SMC1B: variants seen among roughly 807,000 people sequenced by gnomAD.
SMC1B encodes structural maintenance of chromosomes 1B, also known as structural maintenance of chromosomes protein 1B.
SMC1B carries 60 observed loss-of-function variants against 157.9 expected under a neutral mutation model. The observed-to-expected ratio is 0.38, with a 90% CI of 0.31 to 0.47. The LOEUF is 0.47. SMC1B is among the 20% of genes least tolerant of loss of function. The pLI, the probability that SMC1B is intolerant of heterozygous loss-of-function variation, is 0.99. For synonymous variants in SMC1B, 445 were observed against 483.0 expected, an observed-to-expected ratio of 0.92 and a Z score of 1.03; for missense variants, 1,165 against 1,426.2, an observed-to-expected ratio of 0.82 and a Z score of 2.95.
At chr22:45,401,580 A>T (rs1021341527) in intron 5 of SMC1B, among the ~76,000 whole-genome samples, 5 of 152,244 alleles carry the variant, frequency 3.3e-5, no homozygotes. Flanking sequence ...TGCAAATGGC[A>T]CATCTAGTCC....
chr22:45,393,645 G>A lies in SMC1B; in HGVS notation c.1534C>T (p.Pro512Ser), dbSNP rs894071441. ...EVLEHLKRLYPDSVFGRLFDL... is the reference protein window; with the variant it reads ...EVLEHLKRLYSDSVFGRLFDL... ...TTCATTCTCATTACCACAGAATCTG[G>A]GTACAGTCTTTTAAGGTGTTCCAGA... is the stretch of plus-strand genomic sequence containing the variant. The change falls in exon 9 of 25, where the codon CCA becomes TCA. Residue 512 changes from proline to serine, a missense_variant. By Grantham distance (74) the Pro-to-Ser change is moderately conservative. Transcript: ENST00000357450. The A allele has an allele frequency of 2.5e-6, 4 of 1,610,922 alleles. No homozygotes were observed. Among genetic ancestry groups the A allele is most frequent in the Non-Finnish European group, 3.4e-6 (4 of 1,179,050 alleles).
At chr22:45,349,851 G>A (rs1364573230) in intron 22 of SMC1B, 54 bp from the exon 23 acceptor site, 6 of 1,362,818 alleles carry the variant, frequency 4.4e-6, no homozygotes, top group Non-Finnish European at 6.2e-6. Flanking sequence ...TTTTACAAAA[G>A]ACTTGGAGGA....
At chr22:45,363,695 C>CA (rs1290490061) in intron 15 of SMC1B, among the ~76,000 whole-genome samples, 3 of 69,970 alleles carry the variant, frequency 4.3e-5, no homozygotes, top group Admixed American at 4.0e-4. Flanking sequence ...AAAGCAGATA[C>CA]AAAAAAAATT....
At chr22:45,395,539 C>T (rs563186007) in intron 7 of SMC1B, among the ~76,000 whole-genome samples, 10 of 152,184 alleles carry the variant, frequency 6.6e-5, no homozygotes, top group African/African-American at 1.7e-4. Flanking sequence ...AATTTTTATG[C>T]GATCTGACAA....
chr22:45,393,828 C>G lies in SMC1B; in HGVS notation c.1351G>C (p.Glu451Gln). Reference protein sequence around the residue: ...YTKTCMDCLKEKKQQEETLVD... With the variant: ...YTKTCMDCLKQKKQQEETLVD... The stretch of plus-strand genomic sequence containing the variant: ...AGGGTTTCCTCTTGCTGTTTTTTCT[C>G]TTTCAAGCAATCCCTACAAAATAAC... The change falls in exon 9 of 25, where the codon GAG becomes CAG. Residue 451 changes from glutamate (E) to glutamine (Q), a missense_variant. Glu to Gln is a conservative substitution (Grantham distance 29). Coordinates refer to ENST00000357450, the MANE Select transcript of SMC1B (RefSeq NM_148674.5). 1 of 1,607,616 alleles carries G rather than the reference C, an allele frequency of 6.2e-7. No homozygotes were observed.
Position 45,413,490 on chromosome 22 carries a change from C to A in SMC1B, c.78G>T (p.Arg26Ser). The A allele has an allele frequency of 6.2e-7, 1 of 1,610,416 alleles. No individual in the cohort carries two copies. The highest frequency in any genetic ancestry group is 8.5e-7 in the Non-Finnish European group (1 of 1,178,424). ...RGRQVIGPFR[R>S]FTCIIGPNGS... Reference sequence around the variant, plus strand: ...CGTTGGGGCCGATGATGCAGGTGAACCTCCGGAAGGGGCCAATGACCTGGC... The same window carrying A: ...CGTTGGGGCCGATGATGCAGGTGAAACTCCGGAAGGGGCCAATGACCTGGC... The change falls in exon 1 of 25, where the codon AGG becomes AGT. Residue 26 changes from arginine (R) to serine (S), a missense_variant. By Grantham distance (110) the Arg-to-Ser change is moderately radical. Transcript: ENST00000357450.
intron 1 of SMC1B, among the ~76,000 whole-genome samples, chr22:45,412,498 CTTTTTTT>C (rs56894434): frequency 0.012 from 771 of 65,414 alleles, 11 homozygotes; most frequent in African/African-American, 0.051. Context: ...CGCGCCCAGC[CTTTTTTT>C]TTTTTTTTTT....
chr22:45,381,273 T>TGA (rs886865925), intron 12 of SMC1B, among the ~76,000 whole-genome samples: 10 of 152,192 alleles, frequency 6.6e-5, no homozygotes, highest in Non-Finnish European at 1.3e-4. Context: ...GGATCATGTC[T>TGA]GAGTATTAAA....
intron 10 of SMC1B, among the ~76,000 whole-genome samples, chr22:45,389,290 A>G (rs2087029355): frequency 6.6e-6 from 1 of 152,220 alleles, no homozygotes; most frequent in Non-Finnish European, 1.5e-5. Context: ...ACATACCTCA[A>G]GGCTCAAAAT....
At chr22:45,412,121 C>A (rs2087344150) in intron 1 of SMC1B, among the ~76,000 whole-genome samples, 1 of 152,174 alleles carries the variant, frequency 6.6e-6, no homozygotes, top group Non-Finnish European at 1.5e-5. Flanking sequence ...CTAAGGTGAT[C>A]CGCCCGCCTC....
intron 9 of SMC1B, among the ~76,000 whole-genome samples, chr22:45,392,190 C>G (rs1188066003): frequency 6.6e-6 from 1 of 152,078 alleles, no homozygotes; most frequent in South Asian, 2.1e-4. Flanking sequence ...CTCAAGTGAT[C>G]CATCCACTTC....
Position 45,409,625 on chromosome 22 carries a change from T to C in SMC1B, c.110-727A>G, listed in dbSNP as rs532286379. Among the ~76,000 whole-genome samples the C allele has an allele frequency of 4.0e-5, 6 of 151,542 alleles. No homozygotes were observed. The Middle Eastern group carries it at 0.014, about 344-fold the overall frequency. On this transcript the variant is annotated intron_variant, in intron 1 of 24. Coordinates refer to ENST00000357450, the MANE Select transcript of SMC1B (RefSeq NM_148674.5). ...ATAAATAAATAAAAACAAGAGAAGCTAACTAAATCCAGGATCGAGGGCTAG... is the reference window on the plus strand; with the variant it reads ...ATAAATAAATAAAAACAAGAGAAGCCAACTAAATCCAGGATCGAGGGCTAG...
At chr22:45,370,895 T>C (rs558520932) in intron 14 of SMC1B, among the ~76,000 whole-genome samples, 1 of 152,296 alleles carries the variant, frequency 6.6e-6, no homozygotes, top group East Asian at 1.9e-4. Context: ...GTAACGTAAG[T>C]GTGGTTCCAA....
At chr22:45,394,514 G>A (rs1441682712) in intron 8 of SMC1B, among the ~76,000 whole-genome samples, 171 bp downstream of exon 8, 1 of 152,014 alleles carries the variant, frequency 6.6e-6, no homozygotes, top group Admixed American at 6.5e-5. Flanking sequence ...GGTGGCATGT[G>A]CCTGTAGTCT....
At chr22:45,384,295 C>G (rs530792885) in intron 11 of SMC1B, among the ~76,000 whole-genome samples, 1 of 152,246 alleles carries the variant, frequency 6.6e-6, no homozygotes, top group South Asian at 2.1e-4. Context: ...AATATTTTCC[C>G]CAGTTTGCCA....
intron 6 of SMC1B, among the ~76,000 whole-genome samples, chr22:45,397,912 T>A (rs2087144146): frequency 6.6e-6 from 1 of 152,186 alleles, no homozygotes; most frequent in Non-Finnish European, 1.5e-5. Flanking sequence ...TGTAGCTTCA[T>A]TCTTCTTAGA....
intron 18 of SMC1B, among the ~76,000 whole-genome samples, chr22:45,359,390 C>T (rs763031806): frequency 2.6e-5 from 4 of 152,186 alleles, no homozygotes; most frequent in Admixed American, 6.5e-5. Flanking sequence ...TTCTTGCCTC[C>T]TCCTGTTCCG....
chr22:45,348,546 G>T (rs576714623), intron 23 of SMC1B, among the ~76,000 whole-genome samples: 1 of 152,322 alleles, frequency 6.6e-6, no homozygotes, highest in South Asian at 2.1e-4. Flanking sequence ...CCAATATCTA[G>T]ATTTGGTGAG....
At position 45,399,228 on chromosome 22, in the gene SMC1B, G is replaced by A. The variant is rs748674975; in HGVS notation, c.980C>T (p.Ser327Phe). The A allele has an allele frequency of 6.2e-7, 1 of 1,613,970 alleles. No homozygotes were observed. Among genetic ancestry groups the A allele is most frequent in the Non-Finnish European group, 8.5e-7 (1 of 1,179,956 alleles). ...GGCTTTTATATCATCTTCCTGTTTA[G>A]AACATTGTTTTTCGCTGTCCTTTAT... is the stretch of plus-strand genomic sequence containing the variant. ...KSIKDSEKQC[S>F]KQEDDIKALE... Residue 327 changes from serine to phenylalanine, a missense_variant, in exon 6 of 25, where the codon TCT becomes TTT. Ser to Phe is a radical substitution (Grantham distance 155). Transcript: ENST00000357450.
Sources: allele counts gnomAD v4.1 joint callset (sites outside exome capture counted in the v4.1 genomes callset), GRCh38; gene constraint gnomAD v4.1.1; transcripts MANE v1.5; gene names NCBI Gene and HGNC (gene_info 2026-07-23, HGNC 2026-07-21).